Variants in TOMM7 observed in about 807,000 individuals in gnomAD.
The protein encoded by TOMM7 is translocase of outer mitochondrial membrane 7.
TOMM7 carries 8 observed loss-of-function variants against 9.5 expected under a neutral mutation model. The ratio of observed to expected loss-of-function variants is 0.84; its 90% CI spans 0.49 to 1.51. The LOEUF (loss-of-function observed/expected upper bound fraction) is 1.51. Among genes scored for constraint, TOMM7 ranks in the 40% most tolerant of loss-of-function variants. The pLI, the probability that TOMM7 is intolerant of heterozygous loss-of-function variation, is 0.00. For synonymous variants in TOMM7, 27 were observed against 21.4 expected, an observed-to-expected ratio of 1.26 and a Z score of -0.72; for missense variants, 74 against 63.7, an observed-to-expected ratio of 1.16 and a Z score of -0.55.
At chr7:22,813,941 C>T (rs1782283736) in intron 2 of TOMM7, among the ~76,000 whole-genome samples, 1 of 141,052 alleles carries the variant, frequency 7.1e-6, no homozygotes, top group African/African-American at 2.8e-5. Flanking sequence ...AAATATTTTC[C>T]CTGTGCCTAA....
At chr7:22,817,707 C>G in intron 2 of TOMM7, 1 of 284,960 alleles carries the variant, frequency 3.5e-6, no homozygotes, top group Non-Finnish European at 6.7e-6. Context: ...TTGTATTCAT[C>G]TGAATGAGGA....
intron 1 of TOMM7, among the ~76,000 whole-genome samples, chr7:22,821,751 G>T (rs946443358): frequency 2.0e-5 from 3 of 149,482 alleles, no homozygotes; most frequent in Non-Finnish European, 4.5e-5. Context: ...TCTCAAAAAG[G>T]AAAAAAGGAA....
rs1382191311 is a variant in TOMM7, at chr7:22,813,092, A to G, written c.*78T>C. On this transcript the variant is annotated 3_prime_UTR_variant, in exon 3 of 3. Transcript: ENST00000358435. The stretch of plus-strand genomic sequence containing the variant: ...CCAACTAGTGACTGAATGATGTCCC[A>G]TCTCTTATCCGAGCCAGAGCACACA... 6.7e-7 allele frequency: 1 copy of G among 1,485,336 alleles called. No individual in the cohort carries two copies. Among genetic ancestry groups the G allele is most frequent in the Non-Finnish European group, 9.4e-7 (1 of 1,063,520 alleles). The allele number at this position is 1,485,336 out of a possible 1,614,324, so 92.0% of individuals were successfully genotyped here. A position where few individuals can be genotyped will look rare whatever the true frequency, so the allele number is the denominator to read the frequency against.
At chr7:22,815,319 C>A (rs1010640512) in intron 2 of TOMM7, among the ~76,000 whole-genome samples, 1 of 151,906 alleles carries the variant, frequency 6.6e-6, no homozygotes, top group East Asian at 1.9e-4. Flanking sequence ...TCACCCAGGG[C>A]ACAAAAAAGT....
intron 1 of TOMM7, among the ~76,000 whole-genome samples, chr7:22,818,824 G>A (rs1454474504): frequency 6.6e-6 from 1 of 151,616 alleles, no homozygotes; most frequent in South Asian, 2.1e-4. Flanking sequence ...ACAGTTCAAG[G>A]CTGGTCTTGA....
At chr7:22,821,122 A>G (rs1782382275) in intron 1 of TOMM7, among the ~76,000 whole-genome samples, 1 of 152,228 alleles carries the variant, frequency 6.6e-6, no homozygotes, top group South Asian at 2.1e-4. Context: ...ATTAAAAAGA[A>G]AAAACTTGGC....
intron 2 of TOMM7, chr7:22,817,722 A>G (rs1362691275): frequency 3.0e-6 from 1 of 329,092 alleles, no homozygotes; most frequent in Non-Finnish European, 5.7e-6. Flanking sequence ...TGAGGATAAG[A>G]CGGGAATATG....
chr7:22,814,988 ACT>A (rs532299541), intron 2 of TOMM7, among the ~76,000 whole-genome samples: 96 of 152,194 alleles, frequency 6.3e-4, no homozygotes, highest in African/African-American at 2.1e-3. Context: ...CTCTCTAGTC[ACT>A]CTTCCCAGTG....
chr7:22,813,268 A>T, intron 2 of TOMM7, 83 bp from the exon 3 acceptor site: 1 of 1,270,678 alleles, frequency 7.9e-7, no homozygotes, highest in Non-Finnish European at 1.1e-6. Flanking sequence ...AGAAAATTTT[A>T]TACATTTATG....
intron 1 of TOMM7, chr7:22,822,128 A>T: frequency 6.5e-7 from 1 of 1,549,158 alleles, no homozygotes; most frequent in African/African-American, 1.4e-5. Context: ...CTTGGCAAAA[A>T]AGTTTCTCTA....
intron 1 of TOMM7, chr7:22,822,250 C>T: frequency 6.4e-7 from 1 of 1,550,696 alleles, no homozygotes. Context: ...ATCATGCTTT[C>T]ATGGCAGTGG....
intron 2 of TOMM7, 72 bp downstream of exon 2, chr7:22,817,928 C>G: frequency 6.9e-7 from 1 of 1,458,052 alleles, no homozygotes; most frequent in Non-Finnish European, 9.6e-7. Context: ...CACTATTACT[C>G]TTTTACATCT....
intron 2 of TOMM7, among the ~76,000 whole-genome samples, chr7:22,816,200 G>C (rs1233345590): frequency 6.6e-6 from 1 of 152,168 alleles, no homozygotes; most frequent in Non-Finnish European, 1.5e-5. Context: ...AATGCTCATG[G>C]CTACCTTATT....
At chr7:22,819,374 T>C (rs1008728561) in intron 1 of TOMM7, among the ~76,000 whole-genome samples, 1 of 69,302 alleles carries the variant, frequency 1.4e-5, no homozygotes, top group African/African-American at 1.1e-4. Flanking sequence ...AAAACACTAT[T>C]CTTTTTTTTT....
At chr7:22,814,197 A>C (rs1782287368) in intron 2 of TOMM7, among the ~76,000 whole-genome samples, 2 of 151,404 alleles carry the variant, frequency 1.3e-5, no homozygotes, top group Non-Finnish European at 2.9e-5. Context: ...CAAAAATACA[A>C]AAATTAGCCG....
intron 1 of TOMM7, chr7:22,822,142 C>G: frequency 6.5e-7 from 1 of 1,550,046 alleles, no homozygotes; most frequent in Non-Finnish European, 8.7e-7. Flanking sequence ...TTCTCTACGG[C>G]TGTTTCCTCA....
At chr7:22,817,796 T>C in intron 2 of TOMM7, 2 of 497,724 alleles carry the variant, frequency 4.0e-6, no homozygotes, top group Non-Finnish European at 7.3e-6. Context: ...TGTTAAAATA[T>C]GCTTCATTGT....
At position 22,821,893 on chromosome 7, in the gene TOMM7, G is replaced by A. The variant is rs1782397008; in HGVS notation, c.103+784C>T. ...CACCAGCCTGTAGTCCCAGCTACTT[G>A]GGAGACTGAGGTGGAAGGATCGCTA... On this transcript the variant is annotated intron_variant, in intron 1 of 2. Transcript: ENST00000358435. 4.6e-5 allele frequency among the ~76,000 whole-genome samples: 7 copies of A among 152,300 alleles called. 1 individual carries two copies. The South Asian group carries it at 1.5e-3, about 32-fold the overall frequency.
chr7:22,821,410 A>C (rs941698836), intron 1 of TOMM7, among the ~76,000 whole-genome samples: 2 of 146,846 alleles, frequency 1.4e-5, no homozygotes, highest in Middle Eastern at 3.5e-3. Flanking sequence ...CGTCTCAAAA[A>C]AAAAAAAAAA....
Sources: allele counts gnomAD v4.1 joint callset (sites outside exome capture counted in the v4.1 genomes callset), GRCh38; gene constraint gnomAD v4.1.1; transcripts MANE v1.5; gene names NCBI Gene and HGNC (gene_info 2026-07-23, HGNC 2026-07-21).